HHAT: variants seen among roughly 807,000 people sequenced by gnomAD.
HHAT encodes the protein hedgehog acyltransferase.
A neutral mutation model predicts 70.8 loss-of-function variants in HHAT; 47 were observed. That is an observed-to-expected ratio of 0.66 (90% CI 0.53 to 0.85). HHAT has a LOEUF of 0.85. HHAT is among the 40% of genes least tolerant of loss of function. The pLI, the probability that HHAT is intolerant of heterozygous loss-of-function variation, is 0.00. For synonymous variants in HHAT, 228 were observed against 247.6 expected (o/e 0.92, Z 0.74); for missense variants, 609 against 604.8 (o/e 1.01, Z -0.07).
chr1:210,547,858 AC>A (rs1310524730), intron 9 of HHAT, among the ~76,000 whole-genome samples: 3 of 152,160 alleles, frequency 2.0e-5, no homozygotes, highest in Non-Finnish European at 4.4e-5. Flanking sequence ...CAGATGTGTT[AC>A]CCCAGCCAGG....
chr1:210,463,214 A>T (rs1299084801), intron 7 of HHAT, among the ~76,000 whole-genome samples: 4 of 151,512 alleles, frequency 2.6e-5, no homozygotes, highest in Non-Finnish European at 5.9e-5. Context: ...TAAAGTGTAC[A>T]GTTCAGTGAC....
intron 2 of HHAT, among the ~76,000 whole-genome samples, chr1:210,360,968 A>G (rs1047042129): frequency 1.4e-5 from 2 of 148,074 alleles, no homozygotes; most frequent in African/African-American, 2.5e-5. Context: ...CTTGTCTGCT[A>G]TGGGGTTCCT....
chr1:210,429,503 C>G (rs77375513), intron 7 of HHAT, among the ~76,000 whole-genome samples: 4,338 of 151,840 alleles, frequency 0.029, 145 homozygotes, highest in East Asian at 0.18. Flanking sequence ...TTTAAAATTG[C>G]GTTATTCTTA....
intron 3 of HHAT, among the ~76,000 whole-genome samples, chr1:210,386,230 CTTTTTTTTTTTTTTT>C (rs869305965): frequency 0.021 from 1,471 of 69,966 alleles, 54 homozygotes; most frequent in Middle Eastern, 0.043. Flanking sequence ...TTCTTTTTTT[CTTTTTTTTTTTTTTT>C]TTTTTTTTTT....
intron 8 of HHAT, among the ~76,000 whole-genome samples, chr1:210,505,720 C>T (rs989710623): frequency 1.7e-4 from 26 of 152,116 alleles, no homozygotes; most frequent in African/African-American, 5.3e-4. Flanking sequence ...GCTAAACAAG[C>T]GTAGTGATAA....
chr1:210,496,021 A>AG (rs926279206), intron 8 of HHAT, among the ~76,000 whole-genome samples: 2 of 150,600 alleles, frequency 1.3e-5, no homozygotes, highest in Non-Finnish European at 3.0e-5. Flanking sequence ...AAAAAAAAAA[A>AG]AAAAAAAAAG....
chr1:210,541,816 C>A (rs2095433683), intron 9 of HHAT, among the ~76,000 whole-genome samples: 1 of 152,168 alleles, frequency 6.6e-6, no homozygotes, highest in Non-Finnish European at 1.5e-5. Flanking sequence ...GTCAGCATCC[C>A]CCCTGGTCTC....
intron 7 of HHAT, among the ~76,000 whole-genome samples, chr1:210,422,375 A>G (rs1199342791): frequency 1.3e-5 from 2 of 152,150 alleles, no homozygotes; most frequent in Non-Finnish European, 2.9e-5. Context: ...TATTCTACCT[A>G]TTGTAATTTT....
chr1:210,332,324 T>A (rs1246593351), intron 1 of HHAT, among the ~76,000 whole-genome samples: 1 of 152,226 alleles, frequency 6.6e-6, no homozygotes, highest in Non-Finnish European at 1.5e-5. Context: ...AAAGTGCAAG[T>A]GACATATCCT....
chr1:210,475,759 T>A (rs1004562932), intron 8 of HHAT, among the ~76,000 whole-genome samples: 1 of 152,202 alleles, frequency 6.6e-6, no homozygotes, highest in Non-Finnish European at 1.5e-5. Flanking sequence ...TTTTGTAATA[T>A]GGAGGAAAAT....
At chr1:210,633,460 C>A (rs1056595061) in intron 11 of HHAT, among the ~76,000 whole-genome samples, 6 of 152,170 alleles carry the variant, frequency 3.9e-5, no homozygotes, top group African/African-American at 1.2e-4. Flanking sequence ...TCCTGGAGAG[C>A]CATTGTCTTT....
At position 210,648,142 on chromosome 1, in the gene HHAT, C is replaced by G. The variant is rs1472884738; in HGVS notation, c.1390+24472C>G. Among the ~76,000 whole-genome samples, 7 of 152,194 alleles carry G rather than the reference C, an allele frequency of 4.6e-5. No individual in the cohort carries two copies. The East Asian group carries it at 1.3e-3, about 29-fold the overall frequency. On this transcript the variant is annotated intron_variant, in intron 11 of 11. Transcript: ENST00000261458. ...ACCCTCACCACAGTTAAAACCAAAG[C>G]CACTTGCCTTTCCCTTTGTTTAAGC...
Position 210,549,641 on chromosome 1 carries a change from C to T in HHAT, c.1043+36453C>T, listed in dbSNP as rs565530632. On this transcript the variant is annotated intron_variant, in intron 9 of 11. Transcript: ENST00000261458. ...GTGGGCAATTTAGACTTCATTTTTTCCTCTTTGTAAAGTGAGCAGAATAAT... is the reference window on the plus strand; with the variant it reads ...GTGGGCAATTTAGACTTCATTTTTTTCTCTTTGTAAAGTGAGCAGAATAAT... Among the ~76,000 whole-genome samples, 5 of 148,736 alleles carry T rather than the reference C, an allele frequency of 3.4e-5. No individual in the cohort carries two copies. In the South Asian group the frequency reaches 1.1e-3, roughly 33 times the overall value.
At chr1:210,504,878 A>G (rs1038465933) in intron 8 of HHAT, among the ~76,000 whole-genome samples, 5 of 145,430 alleles carry the variant, frequency 3.4e-5, no homozygotes, top group African/African-American at 1.0e-4. Flanking sequence ...ACTTCTCACT[A>G]TGTTCCCGGC....
At chr1:210,519,484 A>C (rs2095115672) in intron 9 of HHAT, among the ~76,000 whole-genome samples, 1 of 151,768 alleles carries the variant, frequency 6.6e-6, no homozygotes. Flanking sequence ...GTGCAATGTA[A>C]AGAGTTCCTT....
intron 11 of HHAT, among the ~76,000 whole-genome samples, chr1:210,654,334 G>A (rs1426804188): frequency 4.6e-5 from 7 of 151,906 alleles, no homozygotes; most frequent in East Asian, 1.9e-4. Context: ...CCTCTCCACC[G>A]GCTCTCAGTG....
At chr1:210,636,824 T>C (rs1671952252) in intron 11 of HHAT, among the ~76,000 whole-genome samples, 1 of 152,204 alleles carries the variant, frequency 6.6e-6, no homozygotes, top group Non-Finnish European at 1.5e-5. Flanking sequence ...GTTAGGTAAA[T>C]GCCTTATTAG....
At chr1:210,601,742 A>G (rs1357165846) in intron 10 of HHAT, among the ~76,000 whole-genome samples, 1 of 152,190 alleles carries the variant, frequency 6.6e-6, no homozygotes, top group East Asian at 1.9e-4. Context: ...AAGACATAAT[A>G]AAACCATGAA....
intron 3 of HHAT, among the ~76,000 whole-genome samples, chr1:210,382,108 G>A (rs992821462): frequency 3.9e-5 from 6 of 152,188 alleles, no homozygotes; most frequent in African/African-American, 1.4e-4. Flanking sequence ...GTTTAAGGGC[G>A]ATGAGAATTC....
Sources: gnomAD v4.1 joint callset for allele counts (sites outside exome capture counted in the v4.1 genomes callset) on GRCh38, gnomAD v4.1.1 for gene constraint, MANE v1.5 for transcripts, NCBI Gene and HGNC (gene_info 2026-07-23, HGNC 2026-07-21) for gene names.